CAMTA1: variants seen among roughly 807,000 people sequenced by gnomAD.
The protein encoded by CAMTA1 is calmodulin binding transcription activator 1.
CAMTA1 carries 27 observed loss-of-function variants against 170.9 expected under a neutral mutation model. The observed-to-expected ratio is 0.16, with a 90% confidence interval of 0.12 to 0.22. The LOEUF (loss-of-function observed/expected upper bound fraction) is 0.22. CAMTA1 is among the 10% of genes least tolerant of loss of function. CAMTA1 has a pLI of 1.00. For synonymous variants in CAMTA1, 833 were observed against 891.5 expected, an observed-to-expected ratio of 0.93 and a Z score of 1.17; for missense variants, 1,619 against 2,217.2, an observed-to-expected ratio of 0.73 and a Z score of 5.42.
At position 7,095,010 on chromosome 1, in the gene CAMTA1, C is replaced by T. The variant is rs76779393; in HGVS notation, c.302+3639C>T. Among the ~76,000 whole-genome samples, 299 of 152,196 alleles carry T rather than the reference C, an allele frequency of 2.0e-3. 8 individuals carry two copies. The South Asian group carries it at 0.039, about 20-fold the overall frequency. On this transcript the variant is annotated intron_variant, in intron 4 of 22. Transcript: ENST00000303635. ...AGGCCTTGACTGGGTGTCCCTTTCT[C>T]GGGGAGGTGTCCCTGGCCATGCAGT...
chr1:6,794,798 C>G (rs1282474109), intron 1 of CAMTA1, among the ~76,000 whole-genome samples: 1 of 152,042 alleles, frequency 6.6e-6, no homozygotes, highest in Non-Finnish European at 1.5e-5. Flanking sequence ...CAATCCATGC[C>G]ACTAGCCACT....
intron 3 of CAMTA1, among the ~76,000 whole-genome samples, chr1:7,039,065 A>G (rs1053757406): frequency 6.6e-6 from 1 of 152,172 alleles, no homozygotes; most frequent in Non-Finnish European, 1.5e-5. Context: ...AATAAAATAA[A>G]TAAATAACAA....
At chr1:7,054,919 G>T (rs114799931) in intron 3 of CAMTA1, among the ~76,000 whole-genome samples, 7,424 of 152,260 alleles carry the variant, frequency 0.049, 201 homozygotes, top group African/African-American at 0.066. Flanking sequence ...GGAGGCCTCA[G>T]GAAACTTACA....
chr1:6,821,344 G>A (rs967700358), intron 2 of CAMTA1, among the ~76,000 whole-genome samples: 2 of 152,198 alleles, frequency 1.3e-5, no homozygotes, highest in African/African-American at 2.4e-5. Flanking sequence ...CCTTAGGTTA[G>A]TAATGGCTGT....
intron 4 of CAMTA1, among the ~76,000 whole-genome samples, chr1:7,201,410 T>C (rs1199510591): frequency 3.9e-5 from 6 of 152,210 alleles, no homozygotes; most frequent in Non-Finnish European, 8.8e-5. Context: ...TGAGTAAAAT[T>C]GCTGGGTCAC....
At chr1:7,351,006 C>A (rs1403415499) in intron 5 of CAMTA1, among the ~76,000 whole-genome samples, 1 of 152,256 alleles carries the variant, frequency 6.6e-6, no homozygotes, top group Non-Finnish European at 1.5e-5. Flanking sequence ...CATGGGTCCT[C>A]TAGGCCCATC....
chr1:6,925,710 G>T (rs548394987), intron 3 of CAMTA1, among the ~76,000 whole-genome samples: 14 of 152,306 alleles, frequency 9.2e-5, no homozygotes, highest in Non-Finnish European at 1.6e-4. Flanking sequence ...CTTTGCTGGG[G>T]AATCCTGGCA....
At chr1:7,310,794 G>A (rs1035061877) in intron 5 of CAMTA1, among the ~76,000 whole-genome samples, 9 of 147,936 alleles carry the variant, frequency 6.1e-5, no homozygotes, top group African/African-American at 1.5e-4. Context: ...GCAGTGACAC[G>A]ATCTCAGCTC....
At chr1:6,867,696 C>A (rs887410940) in intron 3 of CAMTA1, among the ~76,000 whole-genome samples, 1 of 152,156 alleles carries the variant, frequency 6.6e-6, no homozygotes, top group East Asian at 1.9e-4. Context: ...GTATACATAG[C>A]TCAAGTGCAT....
chr1:7,605,789 G>A (rs2095481549), intron 6 of CAMTA1, among the ~76,000 whole-genome samples: 1 of 152,224 alleles, frequency 6.6e-6, no homozygotes, highest in South Asian at 2.1e-4. Flanking sequence ...GCGGGGAGCT[G>A]TAGACTGGAG....
At chr1:7,140,441 A>G (rs774316808) in intron 4 of CAMTA1, among the ~76,000 whole-genome samples, 41 of 152,176 alleles carry the variant, frequency 2.7e-4, no homozygotes, top group Non-Finnish European at 4.3e-4. Context: ...TAGGACTTCA[A>G]AGGGGTCAAC....
chr1:6,912,200 A>G (rs1679856694), intron 3 of CAMTA1, among the ~76,000 whole-genome samples: 1 of 152,194 alleles, frequency 6.6e-6, no homozygotes. Context: ...AGTGGGTTTC[A>G]TAGGAGCCTC....
At chr1:6,906,654 A>G (rs1307097893) in intron 3 of CAMTA1, among the ~76,000 whole-genome samples, 3 of 152,224 alleles carry the variant, frequency 2.0e-5, no homozygotes, top group East Asian at 1.9e-4. Flanking sequence ...TTGGAGCAAC[A>G]GGAGCTTGGA....
At chr1:7,594,242 A>AAGG (rs59901874) in intron 6 of CAMTA1, among the ~76,000 whole-genome samples, 2,615 of 123,850 alleles carry the variant, frequency 0.021, 77 homozygotes, top group African/African-American at 0.042. Context: ...AGGAAGGAAG[A>AAGG]AAGAAAAGAA....
intron 11 of CAMTA1, among the ~76,000 whole-genome samples, chr1:7,686,858 A>G (rs1270517279): frequency 6.6e-6 from 1 of 152,046 alleles, no homozygotes; most frequent in African/African-American, 2.4e-5. Context: ...GAAGAACGAG[A>G]GAGGACAATG....
At chr1:6,976,006 C>T (rs1418888698) in intron 3 of CAMTA1, among the ~76,000 whole-genome samples, 1 of 152,228 alleles carries the variant, frequency 6.6e-6, no homozygotes, top group East Asian at 1.9e-4. Context: ...TGCTGAGTGA[C>T]ACTCTGCGAT....
At chr1:7,671,197 C>T (rs560573776) in intron 10 of CAMTA1, among the ~76,000 whole-genome samples, 160 bp downstream of exon 10, 21 of 152,312 alleles carry the variant, frequency 1.4e-4, no homozygotes, top group Non-Finnish European at 2.5e-4. Flanking sequence ...TCTATTAGAA[C>T]GTCACCTCCT....
At chr1:7,036,286 T>C (rs548612185) in intron 3 of CAMTA1, among the ~76,000 whole-genome samples, 64 of 152,348 alleles carry the variant, frequency 4.2e-4, no homozygotes, top group Non-Finnish European at 8.1e-4. Context: ...TCCATAATCA[T>C]CATCATCATC....
At position 7,664,812 on chromosome 1, in the gene CAMTA1, C is replaced by T. The variant is rs2095987757; in HGVS notation, c.2265C>T (p.Ala755=). 6.2e-7 allele frequency: 1 copy of T among 1,613,424 alleles called. No individual in the cohort carries two copies. Among genetic ancestry groups the T allele is most frequent in the Non-Finnish European group, 8.5e-7 (1 of 1,179,936 alleles). Residue 755 remains alanine (A), a synonymous_variant, in exon 9 of 23, where the codon GCC becomes GCT. Coordinates refer to ENST00000303635, the MANE Select transcript of CAMTA1 (RefSeq NM_015215.4). The part of the protein sequence containing the change: ...YPVAQPSLGN[A]SNMELSLDHF... ...TGGCCCAGCCCAGCCTCGGCAACGC[C>T]TCCAACATGGAGCTCAGCCTGGACC...
Sources: gnomAD v4.1 joint callset for allele counts (sites outside exome capture counted in the v4.1 genomes callset) on GRCh38, gnomAD v4.1.1 for gene constraint, MANE v1.5 for transcripts, NCBI Gene and HGNC (gene_info 2026-07-23, HGNC 2026-07-21) for gene names.